ARHGEF7: variants seen among roughly 807,000 people sequenced by gnomAD.
The protein encoded by ARHGEF7 is Rho guanine nucleotide exchange factor 7.
A neutral mutation model predicts 109.8 loss-of-function variants in ARHGEF7; 33 were observed. That is an observed-to-expected ratio of 0.30 (90% confidence interval 0.23 to 0.40). The LOEUF (loss-of-function observed/expected upper bound fraction) is 0.40. Ranked by LOEUF, ARHGEF7 falls within the 10% of genes least tolerant of loss-of-function variation. ARHGEF7 has a pLI of 1.00. For missense variants in ARHGEF7, 938 were observed against 1,098.5 expected (o/e 0.85, Z 2.07); for synonymous variants, 458 against 424.6 (o/e 1.08, Z -0.97).
chr13:111,232,964 A>G (rs1317022733), intron 5 of ARHGEF7, among the ~76,000 whole-genome samples: 1 of 152,148 alleles, frequency 6.6e-6, no homozygotes, highest in Non-Finnish European at 1.5e-5. Flanking sequence ...AGACGCCTTC[A>G]ACTTGAAACT....
chr13:111,198,150 C>G (rs2080776116), intron 2 of ARHGEF7, among the ~76,000 whole-genome samples: 1 of 152,108 alleles, frequency 6.6e-6, no homozygotes, highest in Non-Finnish European at 1.5e-5. Context: ...GTTGTTAGCC[C>G]TTTCCCAGAA....
At chr13:111,225,808 G>A (rs2085135152) in intron 5 of ARHGEF7, among the ~76,000 whole-genome samples, 1 of 151,984 alleles carries the variant, frequency 6.6e-6, no homozygotes, top group Non-Finnish European at 1.5e-5. Flanking sequence ...TTTTTCCCCA[G>A]GCCACTCATT....
intron 2 of ARHGEF7, among the ~76,000 whole-genome samples, chr13:111,192,929 G>C (rs1421544090): frequency 3.9e-5 from 6 of 152,180 alleles, no homozygotes; most frequent in Non-Finnish European, 7.3e-5. Context: ...GCATATGGGT[G>C]AAGTCTAAAT....
At position 111,131,216 on chromosome 13, in the gene ARHGEF7, C is replaced by T. The variant is rs561513335; in HGVS notation, c.165+15525C>T. 1.2e-4 allele frequency among the ~76,000 whole-genome samples: 18 copies of T among 152,136 alleles called. No homozygotes were observed. The East Asian group carries it at 3.5e-3, about 29-fold the overall frequency. ...GTGGGAGCCTGGGCTGGAGTGGAGGCAGTGCTGACAAGGAGATGGGGATGG... is the reference window on the plus strand; with the variant it reads ...GTGGGAGCCTGGGCTGGAGTGGAGGTAGTGCTGACAAGGAGATGGGGATGG... On this transcript the variant is annotated intron_variant, in intron 1 of 21. Coordinates refer to ENST00000646102, the MANE Select transcript of ARHGEF7 (RefSeq NM_001354046.2). This position sits in a 1 kb window ranked among gnomAD's most constrained non-coding sequence, Gnocchi z 4.4.
At chr13:111,295,207 A>C (rs2093400833) in intron 19 of ARHGEF7, 1 of 985,544 alleles carries the variant, frequency 1.0e-6, no homozygotes, top group Admixed American at 6.1e-5. Flanking sequence ...GTGGCTTTTA[A>C]TATTTGTTAC....
intron 1 of ARHGEF7, among the ~76,000 whole-genome samples, chr13:111,151,333 T>G (rs1056103167): frequency 2.0e-5 from 3 of 152,240 alleles, no homozygotes; most frequent in East Asian, 3.8e-4. Flanking sequence ...GTTTAAAATT[T>G]GATTTCATGC....
chr13:111,122,267 TA>T (rs1168821983), intron 1 of ARHGEF7, among the ~76,000 whole-genome samples: 1 of 152,084 alleles, frequency 6.6e-6, no homozygotes, highest in Non-Finnish European at 1.5e-5. Context: ...TTCGCTTATA[TA>T]AAGTTTCATG....
intron 18 of ARHGEF7, 86 bp downstream of exon 18, chr13:111,288,529 GC>G: frequency 9.1e-7 from 1 of 1,102,084 alleles, no homozygotes; most frequent in East Asian, 2.5e-5. Flanking sequence ...GTTGTGGTAG[GC>G]CCCTTGCACA....
chr13:111,178,684 C>T (rs923851322), intron 2 of ARHGEF7, among the ~76,000 whole-genome samples: 3 of 152,208 alleles, frequency 2.0e-5, no homozygotes, highest in South Asian at 2.1e-4. Flanking sequence ...AGGCAGCTGC[C>T]GGTACCCACC....
chr13:111,141,523 CT>C (rs2075349148), intron 1 of ARHGEF7, among the ~76,000 whole-genome samples: 1 of 152,192 alleles, frequency 6.6e-6, no homozygotes, highest in African/African-American at 2.4e-5. Flanking sequence ...TGCCTGGAAG[CT>C]CCAAAAGTTT....
At chr13:111,279,563 C>T (rs760700391) in intron 13 of ARHGEF7, among the ~76,000 whole-genome samples, 8 of 152,264 alleles carry the variant, frequency 5.3e-5, no homozygotes, top group African/African-American at 1.4e-4. Flanking sequence ...CTGCCTCTTC[C>T]TGCGGACTTG....
chr13:111,173,394 T>C (rs2077780853), intron 2 of ARHGEF7, among the ~76,000 whole-genome samples: 1 of 151,988 alleles, frequency 6.6e-6, no homozygotes, highest in South Asian at 2.1e-4. Flanking sequence ...TACTGGGGAG[T>C]CAGAACCAGG....
At chr13:111,159,026 G>T (rs1181335787) in intron 2 of ARHGEF7, 2 of 718,326 alleles carry the variant, frequency 2.8e-6, no homozygotes, top group Non-Finnish European at 5.2e-6. Context: ...TCCCTGTCTA[G>T]CTCCTGTTTC....
chr13:111,164,332 G>A (rs1414029303), intron 2 of ARHGEF7, among the ~76,000 whole-genome samples: 2 of 152,198 alleles, frequency 1.3e-5, no homozygotes, highest in Admixed American at 6.5e-5. Flanking sequence ...CTTCATACAA[G>A]CATGCTGCTG....
In ARHGEF7 at chr13:111,248,703, A is replaced by G. The variant is rs183068310; in HGVS notation, c.950+4409A>G. ...TCTAGAATTTGTTTCGCTTAAAAAA[A>G]GTGTTTAGTTCTCTGCTAAGATTTT... On this transcript the variant is annotated intron_variant, in intron 8 of 21. Coordinates refer to ENST00000646102, the MANE Select transcript of ARHGEF7 (RefSeq NM_001354046.2). Among the ~76,000 whole-genome samples, 9 of 152,338 alleles carry G rather than the reference A, an allele frequency of 5.9e-5. No homozygotes were observed. The East Asian group carries it at 1.3e-3, about 23-fold the overall frequency.
chr13:111,186,446 A>G (rs1466087609), intron 2 of ARHGEF7, among the ~76,000 whole-genome samples: 3 of 152,218 alleles, frequency 2.0e-5, no homozygotes, highest in Admixed American at 2.0e-4. Context: ...CCGTCATCAG[A>G]CTTTAATTTT....
intron 3 of ARHGEF7, among the ~76,000 whole-genome samples, chr13:111,207,613 A>T (rs2082046850): frequency 6.6e-6 from 1 of 152,236 alleles, no homozygotes; most frequent in South Asian, 2.1e-4. Flanking sequence ...AGAAGATAGT[A>T]ACTTTGAATT....
intron 1 of ARHGEF7, chr13:111,153,551 C>A: frequency 1.1e-6 from 1 of 945,654 alleles, no homozygotes; most frequent in Non-Finnish European, 1.3e-6. Context: ...GGCAGCTCGC[C>A]GGCAAAGCAG....
At chr13:111,230,679 TC>T (rs1327200456) in intron 5 of ARHGEF7, among the ~76,000 whole-genome samples, 2 of 152,062 alleles carry the variant, frequency 1.3e-5, no homozygotes, top group African/African-American at 2.4e-5. Flanking sequence ...AAATTACGCT[TC>T]CTGATTGGAA....
Sources: allele counts gnomAD v4.1 joint callset (sites outside exome capture counted in the v4.1 genomes callset), GRCh38; gene constraint gnomAD v4.1.1; non-coding constraint Gnocchi (gnomAD v3.1); transcripts MANE v1.5; gene names NCBI Gene and HGNC (gene_info 2026-07-23, HGNC 2026-07-21).